The following DCT variants were observed in gnomAD, a reference collection of about 807,000 sequenced individuals.
The protein encoded by DCT is L-dopachrome tautomerase.
In DCT, 47 loss-of-function variants were observed where a neutral mutation model predicts 53.0. The ratio of observed to expected loss-of-function variants is 0.89; its 90% confidence interval spans 0.70 to 1.13. The LOEUF is 1.13. Among genes scored for constraint, DCT ranks in the 50% most tolerant of loss-of-function variants. DCT has a pLI of 0.00. For synonymous variants in DCT, 244 were observed against 237.0 expected (o/e 1.03, Z -0.27); for missense variants, 669 against 637.4 (o/e 1.05, Z -0.53).
chr13:94,472,590 T>G (rs1884815262), intron 1 of DCT, among the ~76,000 whole-genome samples: 1 of 90,242 alleles, frequency 1.1e-5, no homozygotes, highest in African/African-American at 4.2e-5. Context: ...TTTTTTTTTT[T>G]TTTTTTTTGT....
At chr13:94,485,855 C>T in the DCT span, among the ~76,000 whole-genome samples, 1 of 152,192 alleles carries the variant, frequency 6.6e-6, no homozygotes, top group African/African-American at 2.4e-5. Context: ...AAGGATAAGG[C>T]TGCAGGTGAT....
At chr13:94,542,808 A>G in the DCT span, among the ~76,000 whole-genome samples, 8 of 152,176 alleles carry the variant, frequency 5.3e-5, no homozygotes, top group Non-Finnish European at 1.2e-4. Flanking sequence ...TTAAACACAA[A>G]ACAAAAACAA....
At chr13:94,524,580 T>C in the DCT span, among the ~76,000 whole-genome samples, 1 of 152,220 alleles carries the variant, frequency 6.6e-6, no homozygotes, top group Non-Finnish European at 1.5e-5. Flanking sequence ...GCTTTGTGAT[T>C]CTCCTTCCAT....
At chr13:94,461,816 A>T (rs1417732822) in intron 5 of DCT, among the ~76,000 whole-genome samples, 194 bp downstream of exon 5, 1 of 152,188 alleles carries the variant, frequency 6.6e-6, no homozygotes, top group Non-Finnish European at 1.5e-5. Flanking sequence ...TATTAAAACC[A>T]CATTGTTAGT....
chr13:94,518,108 G>GGGAAGGAAGGAAGGAA, the DCT span, among the ~76,000 whole-genome samples: 12 of 125,266 alleles, frequency 9.6e-5, no homozygotes, highest in South Asian at 2.9e-4. Context: ...GGGAAACGAA[G>GGGAAGGAAGGAAGGAA]GGAAGGAAGG....
Position 94,450,836 on chromosome 13 carries a change from T to G in DCT, c.1180-7199A>C, listed in dbSNP as rs548958260. 5.3e-5 allele frequency among the ~76,000 whole-genome samples: 8 copies of G among 152,338 alleles called. No individual in the cohort carries two copies. The East Asian group carries it at 1.5e-3, about 29-fold the overall frequency. ...CAGGCCATTCTTGACTAAACAATCA[T>G]GAAAACTCTAGGAGAGAGTTGCTCA... is the stretch of plus-strand genomic sequence containing the variant. On this transcript the variant is annotated intron_variant, in intron 6 of 7. Transcript: ENST00000377028.
At chr13:94,449,156 A>G (rs1206192035) in intron 6 of DCT, among the ~76,000 whole-genome samples, 1 of 152,064 alleles carries the variant, frequency 6.6e-6, no homozygotes, top group Non-Finnish European at 1.5e-5. Flanking sequence ...ATGGGCTTTC[A>G]AGGTAAAGAT....
chr13:94,470,411 T>A (rs918265348), intron 1 of DCT, among the ~76,000 whole-genome samples: 1 of 152,232 alleles, frequency 6.6e-6, no homozygotes, highest in Non-Finnish European at 1.5e-5. Context: ...AAAGTTTACA[T>A]CCTTGTAGCT....
chr13:94,483,209 G>A (rs1411565881), upstream of DCT, among the ~76,000 whole-genome samples: 3 of 151,482 alleles, frequency 2.0e-5, no homozygotes, highest in South Asian at 2.1e-4. Context: ...AGGAGGTTGA[G>A]GCTACAAGTG....
chr13:94,497,999 C>A, the DCT span, among the ~76,000 whole-genome samples: 4 of 152,182 alleles, frequency 2.6e-5, no homozygotes, highest in African/African-American at 9.6e-5. Flanking sequence ...ATGCAAAGAA[C>A]AAGCTACCTT....
intron 7 of DCT, among the ~76,000 whole-genome samples, chr13:94,442,409 C>A (rs1013563921): frequency 6.6e-6 from 1 of 152,080 alleles, no homozygotes; most frequent in Admixed American, 6.5e-5. Context: ...TGGGCTCAAG[C>A]GATTCTTCCA....
chr13:94,515,078 G>A, the DCT span, among the ~76,000 whole-genome samples: 1 of 152,134 alleles, frequency 6.6e-6, no homozygotes, highest in Non-Finnish European at 1.5e-5. Context: ...TCTACCATGT[G>A]AGAACACAAC....
At chr13:94,500,408 T>C in the DCT span, among the ~76,000 whole-genome samples, 1 of 152,178 alleles carries the variant, frequency 6.6e-6, no homozygotes, top group Non-Finnish European at 1.5e-5. Context: ...GAAAACAGTA[T>C]GGGAGAAACC....
the DCT span, among the ~76,000 whole-genome samples, chr13:94,522,743 C>A: frequency 8.1e-3 from 1,231 of 152,272 alleles, 7 homozygotes; most frequent in Middle Eastern, 0.034. Flanking sequence ...TCACCATGAT[C>A]CTGGGTGACA....
At chr13:94,473,708 C>T (rs1434901294) in intron 1 of DCT, among the ~76,000 whole-genome samples, 2 of 152,168 alleles carry the variant, frequency 1.3e-5, no homozygotes, top group Non-Finnish European at 1.5e-5. Context: ...ACCAGAGTTG[C>T]CTCCAAAAGG....
At chr13:94,482,425 C>T (rs1482903653), upstream of DCT, among the ~76,000 whole-genome samples, 1 of 152,168 alleles carries the variant, frequency 6.6e-6, no homozygotes, top group Non-Finnish European at 1.5e-5. Context: ...TGCTCAGAGC[C>T]CTCAGCTTCT....
chr13:94,451,882 T>C (rs1566814192), intron 6 of DCT, among the ~76,000 whole-genome samples: 1 of 152,080 alleles, frequency 6.6e-6, no homozygotes, highest in Non-Finnish European at 1.5e-5. Context: ...AGAGGACGAA[T>C]TACTTTCCCT....
At chr13:94,498,500 C>G in the DCT span, among the ~76,000 whole-genome samples, 1 of 152,144 alleles carries the variant, frequency 6.6e-6, no homozygotes, top group Non-Finnish European at 1.5e-5. Flanking sequence ...AAGAAAAGGC[C>G]AGAGAGAGCT....
chr13:94,467,433 T>C (rs1008484442), intron 2 of DCT: 1 of 152,234 alleles, frequency 6.6e-6, no homozygotes, highest in Non-Finnish European at 1.5e-5. Flanking sequence ...CAGACGTGAA[T>C]ATAAATTTAA....
Sources: allele counts gnomAD v4.1 joint callset (sites outside exome capture counted in the v4.1 genomes callset), GRCh38; gene constraint gnomAD v4.1.1; transcripts MANE v1.5; gene names NCBI Gene and HGNC (gene_info 2026-07-23, HGNC 2026-07-21).